Variants in COX7B2 observed in about 807,000 individuals in gnomAD.
COX7B2 encodes the protein cytochrome c oxidase subunit 7B2, also known as cytochrome c oxidase subunit 7B2, mitochondrial.
For synonymous variants in COX7B2, 37 were observed against 32.1 expected (o/e 1.15, Z -0.51); for missense variants, 109 against 95.9 (o/e 1.14, Z -0.57).
At chr4:46,793,985 C>T (rs532693997) in intron 2 of COX7B2, among the ~76,000 whole-genome samples, 2 of 152,232 alleles carry the variant, frequency 1.3e-5, no homozygotes, top group Non-Finnish European at 2.9e-5. Flanking sequence ...TAATGGCCTC[C>T]CCTGAAGCAA....
At chr4:46,894,979 T>C (rs904331208) in intron 1 of COX7B2, among the ~76,000 whole-genome samples, 8 of 152,162 alleles carry the variant, frequency 5.3e-5, no homozygotes, top group Middle Eastern at 3.4e-3. Flanking sequence ...AGTTGAAAAA[T>C]AACAGATGCT....
At chr4:46,831,874 G>A (rs1715137812) in intron 2 of COX7B2, among the ~76,000 whole-genome samples, 1 of 152,160 alleles carries the variant, frequency 6.6e-6, no homozygotes, top group African/African-American at 2.4e-5. Context: ...CTAAGGGATT[G>A]TGAATACACC....
At chr4:46,785,007 A>T (rs1161811418) in intron 2 of COX7B2, among the ~76,000 whole-genome samples, 1 of 152,238 alleles carries the variant, frequency 6.6e-6, no homozygotes, top group Non-Finnish European at 1.5e-5. Flanking sequence ...CACATGCACA[A>T]ATCTGGCATG....
rs140587441 is a variant in COX7B2 at position 46,799,028 on chromosome 4, C to T, written c.-50+45932G>A. Among the ~76,000 whole-genome samples the T allele has an allele frequency of 6.6e-3, 1,011 of 152,182 alleles. 6 individuals are homozygous for T. The highest frequency in any genetic ancestry group is 0.031 in the Middle Eastern group (9 of 294). On this transcript the variant is annotated intron_variant, in intron 2 of 2. Coordinates refer to ENST00000355591, the MANE Select transcript of COX7B2 (RefSeq NM_130902.3). ...ATTTATTAACACAGAAGTATTGGGG[C>T]CTTTGCTAGAAAGATCAAGGAAGTC... is the stretch of plus-strand genomic sequence containing the variant.
intron 2 of COX7B2, among the ~76,000 whole-genome samples, chr4:46,757,585 C>G (rs1036086619): frequency 6.6e-6 from 1 of 152,062 alleles, no homozygotes; most frequent in African/African-American, 2.4e-5. Context: ...TTATCTTCCC[C>G]AGTCCTTACA....
At chr4:46,905,752 G>C (rs116180709) in intron 1 of COX7B2, among the ~76,000 whole-genome samples, 4 of 149,880 alleles carry the variant, frequency 2.7e-5, no homozygotes, top group African/African-American at 9.8e-5. Context: ...CCACTTTGGT[G>C]CAGCTAAAGG....
rs1714272035 is a variant in COX7B2 at position 46,735,007 on chromosome 4, T to C, written c.186A>G (p.Gly62=). ...ATWVFTATQI[G]IEWNLSPVGR... ...CAACAGGGGATAGGTTCCATTCTAT[T>C]CCAATCTGAGTGGCTGTAAACACCC... The change falls in exon 3 of 3, where the codon GGA becomes GGG. Residue 62 remains glycine, a synonymous_variant. Transcript: ENST00000355591. 3 of 1,614,094 alleles carry C rather than the reference T, an allele frequency of 1.9e-6. No homozygotes were observed. Among genetic ancestry groups the C allele is most frequent in the South Asian group, 2.2e-5 (2 of 91,076 alleles).
intron 1 of COX7B2, among the ~76,000 whole-genome samples, chr4:46,902,498 T>A (rs933696470): frequency 6.6e-6 from 1 of 152,232 alleles, no homozygotes; most frequent in Non-Finnish European, 1.5e-5. Context: ...GAGAAGGGAA[T>A]CAGCAATCTA....
At chr4:46,848,277 C>T (rs1716424116) in intron 1 of COX7B2, among the ~76,000 whole-genome samples, 1 of 151,914 alleles carries the variant, frequency 6.6e-6, no homozygotes, top group Non-Finnish European at 1.5e-5. Flanking sequence ...ACTAACATAC[C>T]TATTTTTAAA....
rs73142980 is a variant in COX7B2 at position 46,853,000 on chromosome 4, T to C, written c.-104-7986A>G. 4.7e-3 allele frequency among the ~76,000 whole-genome samples: 714 copies of C among 152,306 alleles called. 11 individuals are homozygous for C. Among genetic ancestry groups the C allele is most frequent in the African/African-American group, 0.016 (685 of 41,576 alleles). ...TAGATAAGCTTCCTTTAGGCATACATTATAGTGCTGTTGGCTGTGAATTCA... is the reference window on the plus strand; with the variant it reads ...TAGATAAGCTTCCTTTAGGCATACACTATAGTGCTGTTGGCTGTGAATTCA... On this transcript the variant is annotated intron_variant, in intron 1 of 2. Transcript: ENST00000355591.
At chr4:46,894,020 A>G (rs191974408) in intron 1 of COX7B2, among the ~76,000 whole-genome samples, 573 of 152,274 alleles carry the variant, frequency 3.8e-3, no homozygotes, top group Non-Finnish European at 5.9e-3. Flanking sequence ...CAGTGAAGAC[A>G]AACAAATGGA....
At chr4:46,791,500 GCTT>G (rs1222441564) in intron 2 of COX7B2, among the ~76,000 whole-genome samples, 1 of 152,116 alleles carries the variant, frequency 6.6e-6, no homozygotes, top group Non-Finnish European at 1.5e-5. Flanking sequence ...AACGTTGAGA[GCTT>G]CTTCTGGGCT....
At chr4:46,750,369 C>T (rs898009638) in intron 2 of COX7B2, among the ~76,000 whole-genome samples, 1 of 151,936 alleles carries the variant, frequency 6.6e-6, no homozygotes, top group African/African-American at 2.4e-5. Flanking sequence ...ACTCCATCAG[C>T]CTGGGCAAAA....
In COX7B2 at chr4:46,769,598, A is replaced by G. The variant is rs555526380; in HGVS notation, c.-49-34357T>C. Among the ~76,000 whole-genome samples, 8 of 152,222 alleles carry G rather than the reference A, an allele frequency of 5.3e-5. No individual in the cohort carries two copies. In the South Asian group the frequency reaches 1.7e-3, roughly 32 times the overall value. The stretch of plus-strand genomic sequence containing the variant: ...CCAGGTGTGTTGGCATGTGCATGTA[A>G]TGCCAGCTACTCAGAAGACTGGCAG... On this transcript the variant is annotated intron_variant, in intron 2 of 2. Coordinates refer to ENST00000355591, the MANE Select transcript of COX7B2 (RefSeq NM_130902.3).
At chr4:46,740,183 A>G (rs1424637162) in intron 2 of COX7B2, among the ~76,000 whole-genome samples, 1 of 151,964 alleles carries the variant, frequency 6.6e-6, no homozygotes, top group African/African-American at 2.4e-5. Flanking sequence ...TTTATGTTAA[A>G]GTGTTCGTTT....
At chr4:46,876,404 CTTT>C (rs1213695191) in intron 1 of COX7B2, among the ~76,000 whole-genome samples, 4 of 128,080 alleles carry the variant, frequency 3.1e-5, no homozygotes, top group African/African-American at 5.8e-5. Flanking sequence ...GTCCTATTGT[CTTT>C]TTTTTTTTTT....
chr4:46,882,482 C>T (rs183087456), intron 1 of COX7B2, among the ~76,000 whole-genome samples: 3 of 152,224 alleles, frequency 2.0e-5, no homozygotes, highest in East Asian at 3.9e-4. Flanking sequence ...GCTCTTGCAT[C>T]GCATGCATAC....
At position 46,803,887 on chromosome 4, in the gene COX7B2, G is replaced by C. The variant is rs992502984; in HGVS notation, c.-50+41073C>G. Among the ~76,000 whole-genome samples the C allele has an allele frequency of 2.0e-5, 3 of 152,166 alleles. No individual in the cohort carries two copies. In the South Asian group the frequency reaches 6.2e-4, roughly 32 times the overall value. ...CTTCTCTACTAAATCTTGCCTTTGT[G>C]CTACTTTCGAGGTCTCTTAGGAAAA... On this transcript the variant is annotated intron_variant, in intron 2 of 2. Transcript: ENST00000355591.
intron 1 of COX7B2, among the ~76,000 whole-genome samples, chr4:46,904,272 A>G (rs1720244859): frequency 6.6e-6 from 1 of 152,176 alleles, no homozygotes; most frequent in African/African-American, 2.4e-5. Flanking sequence ...ATGACACACT[A>G]GAGAAAAAAT....
Sources: allele counts gnomAD v4.1 joint callset (sites outside exome capture counted in the v4.1 genomes callset), GRCh38; gene constraint gnomAD v4.1.1; transcripts MANE v1.5; gene names NCBI Gene and HGNC (gene_info 2026-07-23, HGNC 2026-07-21).